SHISA9: variants seen among roughly 807,000 people sequenced by gnomAD.
SHISA9 encodes shisa family member 9, also known as protein shisa-9.
In SHISA9, 13 loss-of-function variants were observed where a neutral mutation model predicts 38.0. The ratio of observed to expected loss-of-function variants is 0.34; its 90% CI spans 0.22 to 0.54. The LOEUF (loss-of-function observed/expected upper bound fraction) is 0.54. Among genes scored for constraint, SHISA9 ranks in the 20% least tolerant of loss-of-function variants. The pLI is 0.91. For missense variants in SHISA9, 538 were observed against 575.8 expected, an observed-to-expected ratio of 0.93 and a Z score of 0.67; for synonymous variants, 275 against 242.0, an observed-to-expected ratio of 1.14 and a Z score of -1.27.
chr16:12,931,334 G>A (rs927423058), intron 2 of SHISA9, among the ~76,000 whole-genome samples: 10 of 152,114 alleles, frequency 6.6e-5, no homozygotes, highest in African/African-American at 2.4e-4. Context: ...TTGTTACATG[G>A]GTATATTGTG....
chr16:13,097,823 T>TA (rs2073842555), intron 2 of SHISA9, among the ~76,000 whole-genome samples: 1 of 152,122 alleles, frequency 6.6e-6, no homozygotes, highest in African/African-American at 2.4e-5. Flanking sequence ...GTAAGTACAG[T>TA]AAAATGTCAT....
the SHISA9 span, among the ~76,000 whole-genome samples, chr16:13,421,290 A>C: frequency 3.3e-5 from 5 of 152,214 alleles, no homozygotes; most frequent in African/African-American, 1.2e-4. Context: ...CATACTGCTG[A>C]TAAAGACATA....
chr16:13,034,040 G>A (rs1035559930), intron 2 of SHISA9, among the ~76,000 whole-genome samples: 4 of 152,050 alleles, frequency 2.6e-5, no homozygotes, highest in African/African-American at 9.7e-5. Context: ...AGCTACTCGG[G>A]AGGCTGAGGC....
intron 2 of SHISA9, among the ~76,000 whole-genome samples, chr16:13,068,931 T>C (rs1266722270): frequency 2.0e-5 from 3 of 152,196 alleles, no homozygotes; most frequent in Non-Finnish European, 2.9e-5. Context: ...CGTGTGTACA[T>C]GCAATGTGTA....
intron 2 of SHISA9, among the ~76,000 whole-genome samples, chr16:13,046,270 A>G (rs1324079869): frequency 6.6e-6 from 1 of 152,160 alleles, no homozygotes; most frequent in Non-Finnish European, 1.5e-5. Flanking sequence ...TATTTTCTGA[A>G]CCTAAATTTA....
At chr16:12,992,226 GA>G (rs1477085945) in intron 2 of SHISA9, among the ~76,000 whole-genome samples, 1 of 151,896 alleles carries the variant, frequency 6.6e-6, no homozygotes, top group Non-Finnish European at 1.5e-5. Context: ...TCTCAGAAAG[GA>G]AAAACTTGCC....
At chr16:13,086,241 G>A (rs537844583) in intron 2 of SHISA9, among the ~76,000 whole-genome samples, 12 of 151,630 alleles carry the variant, frequency 7.9e-5, no homozygotes, top group Non-Finnish European at 1.3e-4. Flanking sequence ...TGTAGTCTCC[G>A]TGGCTTGGGA....
chr16:13,462,708 T>A, the SHISA9 span, among the ~76,000 whole-genome samples: 1 of 152,158 alleles, frequency 6.6e-6, no homozygotes, highest in East Asian at 1.9e-4. Flanking sequence ...ACACGTGTAA[T>A]CGTAGCAGTT....
At chr16:12,930,336 T>A (rs887496719) in intron 2 of SHISA9, among the ~76,000 whole-genome samples, 1 of 152,240 alleles carries the variant, frequency 6.6e-6, no homozygotes, top group South Asian at 2.1e-4. Context: ...AGTGCTGTTA[T>A]CAGAGTCTAG....
At chr16:13,378,463 C>T in the SHISA9 span, among the ~76,000 whole-genome samples, 3 of 152,256 alleles carry the variant, frequency 2.0e-5, no homozygotes, top group Admixed American at 6.5e-5. Context: ...ACCCTGCCTG[C>T]GTCTTGTGTC....
At chr16:13,510,637 A>G in the SHISA9 span, among the ~76,000 whole-genome samples, 2 of 152,344 alleles carry the variant, frequency 1.3e-5, no homozygotes, top group East Asian at 3.9e-4. Context: ...CTTTCCTTGC[A>G]GTTTTTTCCA....
chr16:13,287,561 G>T, the SHISA9 span, among the ~76,000 whole-genome samples: 3 of 152,148 alleles, frequency 2.0e-5, no homozygotes, highest in African/African-American at 7.2e-5. Context: ...ATTGTAAGTC[G>T]ATCCACATGG....
chr16:13,201,687 A>G lies in SHISA9; in HGVS notation c.692-1707A>G, dbSNP rs544859181. On this transcript the variant is annotated intron_variant, in intron 2 of 4. Coordinates refer to ENST00000558583, the MANE Select transcript of SHISA9 (RefSeq NM_001145204.3). Reference sequence around the variant, plus strand: ...TCCCAGTCCATGTGAACTCTGAAGTATCATCATTTCATAAAGTTATCCCCA... The same window carrying G: ...TCCCAGTCCATGTGAACTCTGAAGTGTCATCATTTCATAAAGTTATCCCCA... 9.9e-5 allele frequency among the ~76,000 whole-genome samples: 13 copies of G among 131,064 alleles called. 2 individuals are homozygous for G. Among genetic ancestry groups the G allele is most frequent in the African/African-American group, 3.4e-4 (11 of 32,792 alleles). The allele number at this position is 131,064 out of a possible 152,430, so 86.0% of individuals were successfully genotyped here.
At chr16:13,137,546 C>T (rs12918293) in intron 2 of SHISA9, among the ~76,000 whole-genome samples, 5 of 147,292 alleles carry the variant, frequency 3.4e-5, no homozygotes, top group Non-Finnish European at 3.0e-5. Flanking sequence ...ACGTCCGCCT[C>T]CCGGGTTCAA....
the SHISA9 span, among the ~76,000 whole-genome samples, chr16:13,462,515 C>G: frequency 6.6e-6 from 1 of 151,986 alleles, no homozygotes; most frequent in East Asian, 1.9e-4. Flanking sequence ...CTGGGACCAT[C>G]TAAGGTACAG....
At chr16:13,409,534 C>T in the SHISA9 span, among the ~76,000 whole-genome samples, 14 of 152,236 alleles carry the variant, frequency 9.2e-5, no homozygotes, top group African/African-American at 3.1e-4. Context: ...TGGTGGTGAC[C>T]CCACGCCCCT....
At chr16:13,253,262 C>T in the SHISA9 span, among the ~76,000 whole-genome samples, 1 of 152,048 alleles carries the variant, frequency 6.6e-6, no homozygotes, top group Non-Finnish European at 1.5e-5. Flanking sequence ...AGATTTTTGA[C>T]TGTGTGGGGG....
intron 2 of SHISA9, among the ~76,000 whole-genome samples, chr16:13,202,711 C>A (rs975370797): frequency 1.3e-5 from 2 of 152,044 alleles, no homozygotes; most frequent in Non-Finnish European, 2.9e-5. Context: ...TAAGAATTCC[C>A]ATATTGATAT....
chr16:13,064,246 A>C (rs1259442940), intron 2 of SHISA9, among the ~76,000 whole-genome samples: 1 of 152,196 alleles, frequency 6.6e-6, no homozygotes, highest in East Asian at 1.9e-4. Flanking sequence ...TCATTTATTC[A>C]GTCAACAAAT....
Sources: allele counts gnomAD v4.1 joint callset (sites outside exome capture counted in the v4.1 genomes callset), GRCh38; gene constraint gnomAD v4.1.1; transcripts MANE v1.5; gene names NCBI Gene and HGNC (gene_info 2026-07-23, HGNC 2026-07-21).